MEIS1: variants seen among roughly 807,000 people sequenced by gnomAD.
MEIS1 encodes homeobox protein Meis1.
MEIS1 carries 5 observed loss-of-function variants against 50.8 expected under a neutral mutation model. The observed-to-expected ratio is 0.10, with a 90% CI of 0.05 to 0.21. The LOEUF (loss-of-function observed/expected upper bound fraction) is 0.21. MEIS1 is among the 10% of genes least tolerant of loss of function. The pLI is 1.00. For synonymous variants in MEIS1, 176 were observed against 179.3 expected (o/e 0.98, Z 0.15); for missense variants, 318 against 517.3 (o/e 0.61, Z 3.74).
chr2:66,449,478 G>C (rs1426165358), intron 6 of MEIS1, among the ~76,000 whole-genome samples: 1 of 152,028 alleles, frequency 6.6e-6, no homozygotes, highest in Non-Finnish European at 1.5e-5. Context: ...CATCTTCACT[G>C]TATCTTTAAT....
intron 10 of MEIS1, chr2:66,567,814 C>G: frequency 1.7e-6 from 1 of 575,754 alleles, no homozygotes; most frequent in South Asian, 2.1e-5. Context: ...GTTTGCCTTC[C>G]CAGCTCTTTC....
intron 6 of MEIS1, among the ~76,000 whole-genome samples, chr2:66,454,498 C>G (rs1672342760): frequency 6.6e-6 from 1 of 151,878 alleles, no homozygotes; most frequent in South Asian, 2.1e-4. Flanking sequence ...GTACTTTTTC[C>G]CCACATTTCT....
At chr2:66,516,577 T>G (rs1673974906) in intron 8 of MEIS1, among the ~76,000 whole-genome samples, 3 of 148,240 alleles carry the variant, frequency 2.0e-5, no homozygotes, top group African/African-American at 7.5e-5. Context: ...CCTGGAAAAT[T>G]TGTGTGTGTG....
At chr2:66,525,611 T>C (rs1674230025) in intron 8 of MEIS1, among the ~76,000 whole-genome samples, 1 of 152,262 alleles carries the variant, frequency 6.6e-6, no homozygotes, top group African/African-American at 2.4e-5. Context: ...CTTTTGAATA[T>C]CAAAGCACTT....
rs115911176 is a variant in MEIS1 at position 66,475,673 on chromosome 2, A to G, written c.742+11453A>G. Among the ~76,000 whole-genome samples the G allele has an allele frequency of 5.4e-3, 830 of 152,316 alleles. 10 individuals are homozygous for G. The highest frequency in any genetic ancestry group is 0.019 in the African/African-American group (800 of 41,568). ...AAGAATCGATTTGACCAGCATTAAG[A>G]TCTGAAAGAAATTCTCCTCGTATCC... On this transcript the variant is annotated intron_variant, in intron 7 of 12. Transcript: ENST00000272369.
At chr2:66,456,324 T>C (rs1672388658) in intron 6 of MEIS1, among the ~76,000 whole-genome samples, 1 of 151,898 alleles carries the variant, frequency 6.6e-6, no homozygotes, top group South Asian at 2.1e-4. Flanking sequence ...TCTGCCTCAT[T>C]TGATGCTGAA....
chr2:66,555,761 C>G (rs1260387309), intron 9 of MEIS1, among the ~76,000 whole-genome samples: 1 of 152,184 alleles, frequency 6.6e-6, no homozygotes, highest in Non-Finnish European at 1.5e-5. Context: ...ACATCATCAT[C>G]TGGCTTCAGG....
chr2:66,488,910 C>G (rs971893902), intron 7 of MEIS1, among the ~76,000 whole-genome samples: 4 of 152,186 alleles, frequency 2.6e-5, no homozygotes, highest in Non-Finnish European at 5.9e-5. Flanking sequence ...TGGAGGCATT[C>G]TCTCTTCCAA....
At chr2:66,461,102 C>T (rs1452198328) in intron 6 of MEIS1, among the ~76,000 whole-genome samples, 1 of 152,110 alleles carries the variant, frequency 6.6e-6, no homozygotes, top group African/African-American at 2.4e-5. Context: ...TTTTATTTAT[C>T]TAATGCCATG....
At chr2:66,549,489 A>C (rs1029366110) in intron 9 of MEIS1, among the ~76,000 whole-genome samples, 3 of 151,976 alleles carry the variant, frequency 2.0e-5, no homozygotes, top group African/African-American at 7.3e-5. Context: ...AATATGTAAT[A>C]ATTTCATATT....
chr2:66,515,618 C>T (rs370320103), intron 8 of MEIS1, among the ~76,000 whole-genome samples: 25 of 152,108 alleles, frequency 1.6e-4, no homozygotes, highest in East Asian at 9.7e-4. Flanking sequence ...AAAAAGGAAA[C>T]GAGTTTTAAA....
chr2:66,495,687 C>T (rs150173088), intron 7 of MEIS1, among the ~76,000 whole-genome samples: 1 of 152,230 alleles, frequency 6.6e-6, no homozygotes, highest in African/African-American at 2.4e-5. Flanking sequence ...AACGCTGAGG[C>T]TTTGAAGATG....
chr2:66,437,709 C>G, intron 1 of MEIS1, 28 bp from the exon 2 acceptor site: 6 of 1,604,184 alleles, frequency 3.7e-6, no homozygotes, highest in Non-Finnish European at 5.1e-6. Context: ...GCCTCCTGAA[C>G]CTTCTTTCTC....
At position 66,435,544 on chromosome 2, in the gene MEIS1, T is replaced by C. The variant is rs1671778609; in HGVS notation, c.-313T>C. 2.5e-6 allele frequency: 1 copy of C among 393,634 alleles called. No individual in the cohort carries two copies. Among genetic ancestry groups the C allele is most frequent in the Non-Finnish European group, 4.4e-6 (1 of 225,352 alleles). 24.4% of individuals were successfully genotyped at this position (393,634 alleles called of 1,614,324 possible). On this transcript the variant is annotated 5_prime_UTR_variant, in exon 1 of 13. Transcript: ENST00000272369. The stretch of plus-strand genomic sequence containing the variant: ...CTGAGGGGCGCTCTTTTTTTTCCTT[T>C]TCTTTCTTTCTTTCTTTTTTTTTTT...
At chr2:66,543,297 G>T (rs1055772361) in intron 8 of MEIS1, among the ~76,000 whole-genome samples, 1 of 152,066 alleles carries the variant, frequency 6.6e-6, no homozygotes, top group Non-Finnish European at 1.5e-5. Flanking sequence ...CTCTATACTG[G>T]TTCATTATTG....
chr2:66,521,720 G>T (rs1674126170), intron 8 of MEIS1, among the ~76,000 whole-genome samples: 1 of 152,170 alleles, frequency 6.6e-6, no homozygotes, highest in Non-Finnish European at 1.5e-5. Context: ...CCACCTGTCT[G>T]TATGAATAGA....
At chr2:66,571,145 C>A in intron 12 of MEIS1, 101 bp from the exon 13 acceptor site, 1 of 1,171,716 alleles carries the variant, frequency 8.5e-7, no homozygotes, top group Non-Finnish European at 1.2e-6. Flanking sequence ...TTCCCTTAAT[C>A]ACAGGGTTCT....
chr2:66,546,445 G>T (rs1674794591), intron 8 of MEIS1, among the ~76,000 whole-genome samples: 1 of 152,168 alleles, frequency 6.6e-6, no homozygotes, highest in Non-Finnish European at 1.5e-5. Flanking sequence ...GGACATGAAT[G>T]GGGATTATGA....
intron 8 of MEIS1, among the ~76,000 whole-genome samples, chr2:66,540,785 G>A (rs1278310341): frequency 7.2e-5 from 11 of 152,000 alleles, no homozygotes; most frequent in Admixed American, 5.2e-4. Flanking sequence ...TGTCTTAAAC[G>A]TATATACTTT....
Sources: gnomAD v4.1 joint callset for allele counts (sites outside exome capture counted in the v4.1 genomes callset) on GRCh38, gnomAD v4.1.1 for gene constraint, MANE v1.5 for transcripts, NCBI Gene and HGNC (gene_info 2026-07-23, HGNC 2026-07-21) for gene names.